CPEB3: variants seen among roughly 807,000 people sequenced by gnomAD.
The protein encoded by CPEB3 is cytoplasmic polyadenylation element binding protein 3.
In CPEB3, 20 loss-of-function variants were observed where a neutral mutation model predicts 67.2. The ratio of observed to expected loss-of-function variants is 0.30; its 90% CI spans 0.21 to 0.43. The LOEUF is 0.43. Ranked by LOEUF, CPEB3 falls within the 20% of genes least tolerant of loss-of-function variation. CPEB3 has a pLI of 1.00. For missense variants in CPEB3, 746 were observed against 968.6 expected (o/e 0.77, Z 3.05); for synonymous variants, 376 against 393.1 (o/e 0.96, Z 0.51).
At chr10:92,129,032 C>T (rs1353930886) in intron 6 of CPEB3, among the ~76,000 whole-genome samples, 3 of 152,214 alleles carry the variant, frequency 2.0e-5, no homozygotes, top group Non-Finnish European at 2.9e-5. Flanking sequence ...CATAAAGACA[C>T]ATGCACATGT....
At chr10:92,161,388 C>G (rs1029056399) in intron 4 of CPEB3, among the ~76,000 whole-genome samples, 1 of 151,830 alleles carries the variant, frequency 6.6e-6, no homozygotes, top group African/African-American at 2.4e-5. Flanking sequence ...TCTCCTGCCT[C>G]AGCCCCTTGA....
chr10:92,237,029 G>GA (rs1348027049), intron 2 of CPEB3, among the ~76,000 whole-genome samples: 1 of 152,050 alleles, frequency 6.6e-6, no homozygotes, highest in Non-Finnish European at 1.5e-5. Context: ...TAAATATTTT[G>GA]AAAAAATCAT....
intron 2 of CPEB3, among the ~76,000 whole-genome samples, chr10:92,223,999 T>A (rs1029357811): frequency 3.3e-5 from 5 of 152,120 alleles, no homozygotes; most frequent in African/African-American, 7.2e-5. Flanking sequence ...ACTCCTGACC[T>A]TGTGATCCAT....
intron 6 of CPEB3, chr10:92,119,282 A>G (rs796442179): frequency 3.5e-5 from 54 of 1,530,198 alleles, no homozygotes; most frequent in Non-Finnish European, 4.8e-5. Context: ...ATCCTTTTGC[A>G]CTTTCAGATC....
chr10:92,139,150 G>T (rs1846260543), intron 6 of CPEB3, among the ~76,000 whole-genome samples: 1 of 152,020 alleles, frequency 6.6e-6, no homozygotes, highest in Non-Finnish European at 1.5e-5. Flanking sequence ...GATGGCACAG[G>T]CCTGTAATCC....
chr10:92,148,713 A>C (rs186606340), intron 4 of CPEB3, among the ~76,000 whole-genome samples: 5 of 152,290 alleles, frequency 3.3e-5, no homozygotes, highest in African/African-American at 4.8e-5. Flanking sequence ...ACAGTAAGTG[A>C]AAAGGCATGT....
intron 4 of CPEB3, among the ~76,000 whole-genome samples, chr10:92,175,514 A>T (rs1359190923): frequency 6.6e-6 from 1 of 152,072 alleles, no homozygotes; most frequent in Non-Finnish European, 1.5e-5. Flanking sequence ...GAAACTGTCA[A>T]ATTGTTTTCC....
chr10:92,112,798 C>T (rs1844816339), intron 6 of CPEB3, among the ~76,000 whole-genome samples: 1 of 152,232 alleles, frequency 6.6e-6, no homozygotes, highest in Non-Finnish European at 1.5e-5. Flanking sequence ...AGGAAACCAT[C>T]ATCAACACAG....
intron 6 of CPEB3, among the ~76,000 whole-genome samples, chr10:92,141,770 G>A (rs2133820836): frequency 6.7e-6 from 1 of 150,216 alleles, no homozygotes; most frequent in South Asian, 2.1e-4. Flanking sequence ...TGTAATCCCA[G>A]CACTTTGGGA....
intron 7 of CPEB3, among the ~76,000 whole-genome samples, chr10:92,108,764 TC>T (rs1225875879): frequency 1.3e-5 from 2 of 152,152 alleles, no homozygotes; most frequent in Non-Finnish European, 2.9e-5. Flanking sequence ...AAAGCTAGTT[TC>T]CCCATAAACA....
intron 1 of CPEB3, among the ~76,000 whole-genome samples, chr10:92,248,115 T>C (rs1320166452): frequency 6.6e-6 from 1 of 152,114 alleles, no homozygotes; most frequent in Non-Finnish European, 1.5e-5. Context: ...CCACCAAATA[T>C]CAAAATCCAT....
At chr10:92,277,025 A>G (rs1485782541) in intron 1 of CPEB3, among the ~76,000 whole-genome samples, 4 of 152,092 alleles carry the variant, frequency 2.6e-5, no homozygotes, top group Non-Finnish European at 5.9e-5. Context: ...TTATCTTTAT[A>G]TTATTGAGTT....
At chr10:92,285,654 A>G (rs1293690620) in intron 1 of CPEB3, among the ~76,000 whole-genome samples, 1 of 152,236 alleles carries the variant, frequency 6.6e-6, no homozygotes, top group Non-Finnish European at 1.5e-5. Context: ...CTTACATAAC[A>G]GATCTATAGT....
intron 2 of CPEB3, among the ~76,000 whole-genome samples, chr10:92,234,472 G>T (rs1851430159): frequency 6.6e-6 from 1 of 152,108 alleles, no homozygotes; most frequent in African/African-American, 2.4e-5. Flanking sequence ...TACAGATTCA[G>T]TCCAGCTTCT....
intron 6 of CPEB3, among the ~76,000 whole-genome samples, chr10:92,120,762 A>G (rs1194053206): frequency 6.6e-6 from 1 of 151,840 alleles, no homozygotes; most frequent in African/African-American, 2.4e-5. Flanking sequence ...GTGCAGTGGC[A>G]TGATCTCGGC....
chr10:92,094,007 A>G (rs962737779), intron 7 of CPEB3, among the ~76,000 whole-genome samples: 4 of 152,042 alleles, frequency 2.6e-5, no homozygotes, highest in Non-Finnish European at 4.4e-5. Flanking sequence ...GGCACCTGCC[A>G]CCACACCTGG....
rs551089328 is a variant in CPEB3 at position 92,123,146 on chromosome 10, C to A, written c.1454-11952G>T. Among the ~76,000 whole-genome samples, 4 of 152,312 alleles carry A rather than the reference C, an allele frequency of 2.6e-5. No homozygotes were observed. The South Asian group carries it at 6.2e-4, about 24-fold the overall frequency. On this transcript the variant is annotated intron_variant, in intron 6 of 9. Transcript: ENST00000265997. ...GGTAATCTACTTCCTGTGTTCTTAG[C>A]AAAGTCTTGCAGTCCAGGGCAGTGA...
At chr10:92,137,352 C>A in intron 6 of CPEB3, 1 of 973,374 alleles carries the variant, frequency 1.0e-6, no homozygotes, top group Non-Finnish European at 1.5e-6. Context: ...ATATGCTTAA[C>A]CAGAGATACC....
At chr10:92,119,254 T>C in intron 6 of CPEB3, 1 of 1,570,426 alleles carries the variant, frequency 6.4e-7, no homozygotes, top group Non-Finnish European at 8.7e-7. Flanking sequence ...CTGGGAAAAG[T>C]TCTCCTTATT....
Sources: allele counts gnomAD v4.1 joint callset (sites outside exome capture counted in the v4.1 genomes callset), GRCh38; gene constraint gnomAD v4.1.1; transcripts MANE v1.5; gene names NCBI Gene and HGNC (gene_info 2026-07-23, HGNC 2026-07-21).